The following RBFOX1 variants were observed in gnomAD, a reference collection of about 807,000 sequenced individuals.
The protein encoded by RBFOX1 is RNA binding protein fox-1 homolog 1.
A neutral mutation model predicts 57.7 loss-of-function variants in RBFOX1; 8 were observed. The ratio of observed to expected loss-of-function variants is 0.14; its 90% CI spans 0.08 to 0.25. RBFOX1 has a LOEUF of 0.25. Ranked by LOEUF, RBFOX1 falls within the 10% of genes least tolerant of loss-of-function variation. The pLI, the probability that RBFOX1 is intolerant of heterozygous loss-of-function variation, is 1.00. For missense variants in RBFOX1, 611 were observed against 548.5 expected, an observed-to-expected ratio of 1.11 and a Z score of -1.14; for synonymous variants, 326 against 222.4, an observed-to-expected ratio of 1.47 and a Z score of -4.15.
chr16:6,205,965 A>G (rs2097252835), intron 1 of RBFOX1, among the ~76,000 whole-genome samples: 1 of 143,260 alleles, frequency 7.0e-6, no homozygotes, highest in Admixed American at 7.6e-5. Flanking sequence ...GGCTTCTTTC[A>G]CTTAGATCTG....
At position 5,828,488 on chromosome 16, in the gene RBFOX1, A is replaced by G. The variant is rs1450808530; in HGVS notation, c.319-38815A>G. On this transcript the variant is annotated intron_variant, in intron 3 of 19. Coordinates refer to the RBFOX1 transcript ENST00000641259. Reference sequence around the variant, plus strand: ...GCCGAGGTGGGCGGATCGCGAGGTCAATAGATCAAGACCATCCTGACCAAC... The same window carrying G: ...GCCGAGGTGGGCGGATCGCGAGGTCGATAGATCAAGACCATCCTGACCAAC... Among the ~76,000 whole-genome samples the G allele has an allele frequency of 2.0e-5, 3 of 152,202 alleles. No individual in the cohort carries two copies. In the East Asian group the frequency reaches 5.8e-4, roughly 29 times the overall value.
At position 6,838,974 on chromosome 16, in the gene RBFOX1, C is replaced by G. The variant is rs549640074; in HGVS notation, c.-16+184324C>G. ...AGAAAAAATAAGGGGAGGAGTGTATCCATCATTTTCTTTTTTTTCTTTATT... is the reference window on the plus strand; with the variant it reads ...AGAAAAAATAAGGGGAGGAGTGTATGCATCATTTTCTTTTTTTTCTTTATT... On this transcript the variant is annotated intron_variant, in intron 3 of 15. Transcript: ENST00000550418. Among the ~76,000 whole-genome samples the G allele has an allele frequency of 4.2e-3, 635 of 151,536 alleles. 5 individuals are homozygous for G. Among genetic ancestry groups the G allele is most frequent in the Middle Eastern group, 0.017 (5 of 292 alleles).
At chr16:7,046,445 G>C (rs2047971584) in intron 3 of RBFOX1, among the ~76,000 whole-genome samples, 1 of 151,898 alleles carries the variant, frequency 6.6e-6, no homozygotes, top group Non-Finnish European at 1.5e-5. Flanking sequence ...GCTTGACTTC[G>C]GTGATTGTTT....
intron 3 of RBFOX1, among the ~76,000 whole-genome samples, chr16:5,751,539 A>C (rs1044482443): frequency 6.6e-6 from 1 of 152,186 alleles, no homozygotes; most frequent in Non-Finnish European, 1.5e-5. Context: ...CTGCTGGATG[A>C]AGGTGAATCT....
chr16:7,349,950 C>T (rs774936678), intron 4 of RBFOX1, among the ~76,000 whole-genome samples: 34 of 152,088 alleles, frequency 2.2e-4, no homozygotes, highest in Non-Finnish European at 4.9e-4. Flanking sequence ...AGTTCGAGAC[C>T]AGCCTGGGCA....
intron 2 of RBFOX1, among the ~76,000 whole-genome samples, chr16:6,643,790 G>A (rs951468424): frequency 6.6e-6 from 1 of 151,508 alleles, no homozygotes; most frequent in African/African-American, 2.4e-5. Context: ...GGTCCCTAAG[G>A]CTTGAACTTA....
chr16:7,702,696 G>A (rs1367823443), intron 14 of RBFOX1, among the ~76,000 whole-genome samples: 1 of 152,104 alleles, frequency 6.6e-6, no homozygotes, highest in Non-Finnish European at 1.5e-5. Context: ...CCTGAGAATT[G>A]CTGAAAGCCG....
rs543386441 is a variant in RBFOX1, at chr16:6,761,750, C to T, written c.-16+107100C>T. On this transcript the variant is annotated intron_variant, in intron 3 of 15. Transcript: ENST00000550418. ...TTGAATTCCTGACCTTGTGATCCAC[C>T]TGCCTCGGCCCCCTAAAGTGCTGGG... 2.4e-4 allele frequency among the ~76,000 whole-genome samples: 37 copies of T among 152,026 alleles called. No individual in the cohort carries two copies. The East Asian group carries it at 5.8e-3, about 24-fold the overall frequency.
intron 3 of RBFOX1, among the ~76,000 whole-genome samples, chr16:7,010,130 A>G (rs111652432): frequency 6.6e-6 from 1 of 152,216 alleles, no homozygotes; most frequent in Non-Finnish European, 1.5e-5. Context: ...TTTGCTGCAA[A>G]GCACGTGATC....
intron 1 of RBFOX1, among the ~76,000 whole-genome samples, chr16:5,327,048 C>G (rs2064596392): frequency 6.6e-6 from 1 of 152,154 alleles, no homozygotes; most frequent in South Asian, 2.1e-4. Flanking sequence ...CCAGAAAATG[C>G]TATGGGAAAA....
chr16:6,319,991 T>G (rs893986048), intron 2 of RBFOX1, among the ~76,000 whole-genome samples: 1 of 152,196 alleles, frequency 6.6e-6, no homozygotes, highest in Non-Finnish European at 1.5e-5. Context: ...TAGGAATATT[T>G]TTTTTTCACC....
intron 3 of RBFOX1, among the ~76,000 whole-genome samples, chr16:5,704,371 G>T (rs902029354): frequency 6.6e-6 from 1 of 152,066 alleles, no homozygotes; most frequent in African/African-American, 2.4e-5. Context: ...GTAGCACACA[G>T]AGGGGCCCTG....
At chr16:6,533,925 T>A (rs775541117) in intron 2 of RBFOX1, among the ~76,000 whole-genome samples, 11 of 151,894 alleles carry the variant, frequency 7.2e-5, no homozygotes, top group Non-Finnish European at 1.2e-4. Flanking sequence ...ATTAAGAGAA[T>A]GAAAAGTCAA....
At chr16:6,887,495 G>C (rs1603636792) in intron 3 of RBFOX1, among the ~76,000 whole-genome samples, 1 of 151,962 alleles carries the variant, frequency 6.6e-6, no homozygotes, top group African/African-American at 2.4e-5. Context: ...TCTATCCCTG[G>C]AATCATTAAT....
intron 3 of RBFOX1, among the ~76,000 whole-genome samples, chr16:5,696,408 C>A (rs968870411): frequency 1.3e-5 from 2 of 152,138 alleles, no homozygotes; most frequent in Non-Finnish European, 2.9e-5. Flanking sequence ...TAACCATTTT[C>A]CTACTGGTGG....
chr16:5,335,843 G>T (rs2064882100), intron 1 of RBFOX1, among the ~76,000 whole-genome samples: 1 of 152,084 alleles, frequency 6.6e-6, no homozygotes, highest in Admixed American at 6.5e-5. Flanking sequence ...ATCAAAAGAT[G>T]TTCTCAGACT....
chr16:7,243,143 T>G (rs2152980628), intron 4 of RBFOX1, among the ~76,000 whole-genome samples: 1 of 152,302 alleles, frequency 6.6e-6, no homozygotes, highest in South Asian at 2.1e-4. Flanking sequence ...TCATTAAAAT[T>G]GTAACACACC....
intron 1 of RBFOX1, among the ~76,000 whole-genome samples, chr16:5,247,963 A>C (rs2062344745): frequency 6.6e-6 from 1 of 152,196 alleles, no homozygotes; most frequent in Non-Finnish European, 1.5e-5. Flanking sequence ...GTGGCTGGGC[A>C]CTGGGCTAGG....
chr16:7,699,398 C>T (rs1208368509), intron 14 of RBFOX1, among the ~76,000 whole-genome samples: 5 of 152,162 alleles, frequency 3.3e-5, no homozygotes, highest in Non-Finnish European at 7.3e-5. Flanking sequence ...TGTTCTATTG[C>T]CCAGGCTGAT....
Sources: gnomAD v4.1 joint callset for allele counts (sites outside exome capture counted in the v4.1 genomes callset) on GRCh38, gnomAD v4.1.1 for gene constraint, MANE v1.5 for transcripts, NCBI Gene and HGNC (gene_info 2026-07-23, HGNC 2026-07-21) for gene names.